Variants in SIPA1L1 observed in about 807,000 individuals in gnomAD.
SIPA1L1 encodes signal induced proliferation associated 1 like 1.
In SIPA1L1, 26 loss-of-function variants were observed where a neutral mutation model predicts 162.7. The ratio of observed to expected loss-of-function variants is 0.16; its 90% CI spans 0.12 to 0.22. The LOEUF is 0.22. Among genes scored for constraint, SIPA1L1 ranks in the 10% least tolerant of loss-of-function variants. SIPA1L1 has a pLI of 1.00. For missense variants in SIPA1L1, 1,874 were observed against 2,241.0 expected (o/e 0.84, Z 3.31); for synonymous variants, 829 against 837.4 (o/e 0.99, Z 0.17).
intron 2 of SIPA1L1, among the ~76,000 whole-genome samples, chr14:71,490,677 A>G (rs1218894168): frequency 1.3e-5 from 2 of 152,220 alleles, no homozygotes; most frequent in Non-Finnish European, 2.9e-5. Flanking sequence ...AGCTCCTACA[A>G]AGTGTCATAC....
Position 71,670,589 on chromosome 14 carries a change from A to G in SIPA1L1, c.2256-530A>G, listed in dbSNP as rs116906512. On this transcript the variant is annotated intron_variant, in intron 10 of 23. Coordinates refer to ENST00000381232, the MANE Select transcript of SIPA1L1 (RefSeq NM_001386936.1). ...ATGCCTCACACTTAGGCCAACAAATACTAGTTAAGTTTTATTGAAATTTAA... is the reference window on the plus strand; with the variant it reads ...ATGCCTCACACTTAGGCCAACAAATGCTAGTTAAGTTTTATTGAAATTTAA... Among the ~76,000 whole-genome samples the G allele has an allele frequency of 9.5e-3, 1,452 of 152,332 alleles. 11 individuals carry two copies. Among genetic ancestry groups the G allele is most frequent in the Middle Eastern group, 0.017 (5 of 294 alleles).
intron 12 of SIPA1L1, among the ~76,000 whole-genome samples, chr14:71,677,647 T>G (rs148942477): frequency 0.011 from 1,682 of 152,328 alleles, 49 homozygotes; most frequent in Admixed American, 0.064. Flanking sequence ...AATTAATTTT[T>G]GTATAAGGTG....
At chr14:71,511,193 T>C (rs2051118477) in intron 2 of SIPA1L1, among the ~76,000 whole-genome samples, 1 of 152,206 alleles carries the variant, frequency 6.6e-6, no homozygotes. Flanking sequence ...ATAAGAAGTA[T>C]ATGTTTAGTC....
intron 12 of SIPA1L1, among the ~76,000 whole-genome samples, chr14:71,683,312 G>C (rs761466453): frequency 6.6e-6 from 1 of 152,174 alleles, no homozygotes; most frequent in Non-Finnish European, 1.5e-5. Context: ...TACATGTGCT[G>C]GTTCCTAGCA....
chr14:71,623,175 G>C (rs1282355534), intron 6 of SIPA1L1, among the ~76,000 whole-genome samples: 3 of 152,252 alleles, frequency 2.0e-5, no homozygotes, highest in Non-Finnish European at 2.9e-5. Flanking sequence ...TGAGATTGCA[G>C]TGTGTCTTTC....
chr14:71,546,376 C>CTCT (rs1555455213), intron 4 of SIPA1L1, among the ~76,000 whole-genome samples: 3 of 116,932 alleles, frequency 2.6e-5, no homozygotes, highest in African/African-American at 9.8e-5. Context: ...CTTTTTCTTT[C>CTCT]TTTTTTTTTT....
At chr14:71,701,066 T>C (rs1450321156) in intron 14 of SIPA1L1, among the ~76,000 whole-genome samples, 4 of 147,762 alleles carry the variant, frequency 2.7e-5, no homozygotes, top group African/African-American at 9.9e-5. Context: ...TTCTAGCCCC[T>C]TCTACTTTGC....
intron 4 of SIPA1L1, among the ~76,000 whole-genome samples, chr14:71,540,459 T>C (rs764468308): frequency 6.6e-6 from 1 of 152,074 alleles, no homozygotes; most frequent in Non-Finnish European, 1.5e-5. Context: ...GGTGGGAGAA[T>C]TGTTTGAAGC....
intron 2 of SIPA1L1, among the ~76,000 whole-genome samples, chr14:71,409,730 T>C (rs1158389246): frequency 1.3e-5 from 2 of 152,216 alleles, no homozygotes. Flanking sequence ...CACTAAACTC[T>C]GGGAGTGATA....
intron 4 of SIPA1L1, among the ~76,000 whole-genome samples, chr14:71,582,306 GCC>G (rs1255174936): frequency 6.6e-6 from 1 of 152,058 alleles, no homozygotes; most frequent in Non-Finnish European, 1.5e-5. Flanking sequence ...CCAAACACCA[GCC>G]TGGGTGACAG....
intron 2 of SIPA1L1, among the ~76,000 whole-genome samples, chr14:71,452,384 GTAT>G (rs2045896748): frequency 6.6e-6 from 1 of 152,150 alleles, no homozygotes; most frequent in South Asian, 2.1e-4. Context: ...TTTTAGTGTA[GTAT>G]TCTATAATGT....
At chr14:71,464,631 A>G (rs1380721039) in intron 2 of SIPA1L1, among the ~76,000 whole-genome samples, 1 of 151,360 alleles carries the variant, frequency 6.6e-6, no homozygotes, top group Non-Finnish European at 1.5e-5. Context: ...ACAGAGGGAG[A>G]CTCCATCTCA....
chr14:71,632,419 T>C (rs1346739479), intron 7 of SIPA1L1, among the ~76,000 whole-genome samples: 1 of 152,180 alleles, frequency 6.6e-6, no homozygotes, highest in African/African-American at 2.4e-5. Flanking sequence ...AACAGGAATC[T>C]CTCTACTCCA....
intron 2 of SIPA1L1, among the ~76,000 whole-genome samples, chr14:71,324,971 G>T (rs1289219921): frequency 6.6e-6 from 1 of 152,154 alleles, no homozygotes; most frequent in Non-Finnish European, 1.5e-5. Flanking sequence ...CTACCTTCCA[G>T]TGGAGTAATC....
At chr14:71,561,412 C>T (rs1323023246) in intron 4 of SIPA1L1, among the ~76,000 whole-genome samples, 1 of 152,146 alleles carries the variant, frequency 6.6e-6, no homozygotes, top group African/African-American at 2.4e-5. Context: ...TGATCGCAAT[C>T]CAATAGCATT....
At chr14:71,366,973 G>A (rs575117664) in intron 2 of SIPA1L1, among the ~76,000 whole-genome samples, 3 of 152,108 alleles carry the variant, frequency 2.0e-5, no homozygotes, top group Non-Finnish European at 4.4e-5. Context: ...CACAGAAATC[G>A]TCAAATAACA....
chr14:71,571,808 ATTT>A (rs529764911), intron 4 of SIPA1L1, among the ~76,000 whole-genome samples: 1 of 128,020 alleles, frequency 7.8e-6, no homozygotes. Context: ...TGCCTGGCTC[ATTT>A]TTTTTTTTTT....
chr14:71,403,460 C>T (rs1595259232), intron 2 of SIPA1L1, among the ~76,000 whole-genome samples: 2 of 151,700 alleles, frequency 1.3e-5, no homozygotes, highest in South Asian at 2.1e-4. Context: ...ATTAGCTGGG[C>T]GTGGTGGCAG....
chr14:71,398,117 G>A (rs190736947), intron 2 of SIPA1L1, among the ~76,000 whole-genome samples: 87 of 141,056 alleles, frequency 6.2e-4, no homozygotes, highest in Admixed American at 1.2e-3. Context: ...CTGGGTTCAC[G>A]CCATTCTCCT....
Sources: gnomAD v4.1 joint callset for allele counts (sites outside exome capture counted in the v4.1 genomes callset) on GRCh38, gnomAD v4.1.1 for gene constraint, MANE v1.5 for transcripts, NCBI Gene and HGNC (gene_info 2026-07-23, HGNC 2026-07-21) for gene names.